The following GSTM5 variants were observed in gnomAD, a reference collection of about 807,000 sequenced individuals.
The protein encoded by GSTM5 is GST class-mu 5.
In GSTM5, 24 loss-of-function variants were observed where a neutral mutation model predicts 29.0. The observed-to-expected ratio is 0.83, with a 90% CI of 0.60 to 1.16. The LOEUF (loss-of-function observed/expected upper bound fraction) is 1.16, where lower values mean the gene tolerates loss of function less well. GSTM5 is among the 50% of genes most tolerant of loss of function. GSTM5 has a pLI of 0.00. For missense variants in GSTM5, 290 were observed against 263.0 expected (o/e 1.10, Z -0.71); for synonymous variants, 91 against 93.6 (o/e 0.97, Z 0.16).
chr1:109,713,843 G>A (rs1648654209), intron 5 of GSTM5, 82 bp downstream of exon 5: 4 of 1,069,998 alleles, frequency 3.7e-6, no homozygotes, highest in Non-Finnish European at 5.6e-6. Flanking sequence ...AGTCAGGTCT[G>A]TAGCAGACTC....
At chr1:109,712,875 TG>T in intron 2 of GSTM5, 182 bp downstream of exon 2, 1 of 862,860 alleles carries the variant, frequency 1.2e-6, no homozygotes, top group Non-Finnish European at 1.9e-6. Context: ...GGCGGGATGC[TG>T]GACACCCTGT....
Position 109,713,582 on chromosome 1 carries a change from G to A in GSTM5, c.259+17G>A. 1 of 1,614,220 alleles carries A rather than the reference G, an allele frequency of 6.2e-7. No individual in the cohort carries two copies. Among genetic ancestry groups the A allele is most frequent in the Non-Finnish European group, 8.5e-7 (1 of 1,180,030 alleles). ...ACAACCTGTGTGAGTGTGGGTGGCT[G>A]CAATGTGCGGGGGGAAGGTGACCTC... is the stretch of plus-strand genomic sequence containing the variant. On this transcript the variant is annotated intron_variant, in intron 4 of 7. Transcript: ENST00000256593.
intron 4 of GSTM5, 42 bp from the exon 5 acceptor site, chr1:109,713,619 G>T (rs1238717469): frequency 6.2e-7 from 1 of 1,614,194 alleles, no homozygotes; most frequent in Non-Finnish European, 8.5e-7. Flanking sequence ...TCCTTGGCTG[G>T]GCTGTGATGC....
At position 109,717,239 on chromosome 1, in the gene GSTM5, G is replaced by C. The variant is rs1244021686; in HGVS notation, c.568-98G>C. The C allele has an allele frequency of 1.3e-5, 11 of 845,562 alleles. No individual in the cohort carries two copies. In the East Asian group the frequency reaches 2.7e-4, roughly 21 times the overall value. 52.4% of individuals were successfully genotyped at this position (845,562 alleles called of 1,614,324 possible). Reference sequence around the variant, plus strand: ...TCCAGCACTTGAGCCCACATGGAAAGGCTGTGGCCAGGGCCCTGACCTGCT... The same window carrying C: ...TCCAGCACTTGAGCCCACATGGAAACGCTGTGGCCAGGGCCCTGACCTGCT... On this transcript the variant is annotated intron_variant, in intron 7 of 7. Coordinates refer to ENST00000256593, the MANE Select transcript of GSTM5 (RefSeq NM_000851.4).
chr1:109,712,955 G>T, intron 2 of GSTM5, 164 bp from the exon 3 acceptor site: 1 of 944,768 alleles, frequency 1.1e-6, no homozygotes, highest in South Asian at 1.4e-5. Flanking sequence ...GGGGTCCAGA[G>T]CCCTCAGTGG....
intron 7 of GSTM5, 61 bp from the exon 8 acceptor site, chr1:109,717,276 A>T: frequency 7.6e-7 from 1 of 1,307,656 alleles, no homozygotes; most frequent in Non-Finnish European, 1.1e-6. Context: ...TGCCTGCAGC[A>T]AAGCTACTTG....
upstream of GSTM5, chr1:109,712,245 C>T: frequency 1.9e-6 from 3 of 1,557,270 alleles, no homozygotes; most frequent in African/African-American, 2.7e-5. Flanking sequence ...CTGTCCCCTC[C>T]TGGGCCTCTC....
chr1:109,716,251 CTG>C (rs1648742249), intron 7 of GSTM5: 1 of 203,886 alleles, frequency 4.9e-6, no homozygotes, highest in South Asian at 8.0e-5. Flanking sequence ...AGCCTAGAAT[CTG>C]TTTCCCTTTC....
chr1:109,712,184 G>A, upstream of GSTM5: 3 of 992,712 alleles, frequency 3.0e-6, no homozygotes, highest in East Asian at 2.4e-5. Flanking sequence ...ACAGAATGGC[G>A]TGTTTCGGGG....
rs776291300 is a variant in GSTM5 at position 109,717,464 on chromosome 1, C to A, written c.*38C>A. ...CCAGAAGATGGGAGGGAGGAGCCAA[C>A]CTTGCTGCCTGCGACCCTGGAGGAC... On this transcript the variant is annotated 3_prime_UTR_variant, in exon 8 of 8. Transcript: ENST00000256593. 1.4e-6 allele frequency: 2 copies of A among 1,449,492 alleles called. No individual in the cohort carries two copies. Among genetic ancestry groups the A allele is most frequent in the Admixed American group, 3.3e-5 (2 of 59,800 alleles). The allele number at this position is 1,449,492 out of a possible 1,614,324, so 89.8% of individuals were successfully genotyped here.
chr1:109,718,219 T>C lies in GSTM5; in HGVS notation c.*793T>C, dbSNP rs1648817342. The C allele has an allele frequency of 6.6e-6, 1 of 152,260 alleles. No homozygotes were observed. Among genetic ancestry groups the C allele is most frequent in the African/African-American group, 2.4e-5 (1 of 41,464 alleles). 9.4% of individuals were successfully genotyped at this position (152,260 alleles called of 1,614,324 possible). A position where few individuals can be genotyped will look rare whatever the true frequency, so the allele number is the denominator to read the frequency against. Reference sequence around the variant, plus strand: ...TCCTGATAGACTTCCCTGATCTAGATATCCTTCGTCATGACACTTCTCAAT... The same window carrying C: ...TCCTGATAGACTTCCCTGATCTAGACATCCTTCGTCATGACACTTCTCAAT... On this transcript the variant is annotated 3_prime_UTR_variant, in exon 8 of 8. Coordinates refer to ENST00000256593, the MANE Select transcript of GSTM5 (RefSeq NM_000851.4).
rs148956224 is a variant in GSTM5, at chr1:109,713,688, G to A, written c.287G>A (p.Arg96His). ...LCGETEEEKI[R>H]VDILENQVMD... ...GGGGAGACAGAAGAGGAGAAGATTC[G>A]TGTGGACATTTTGGAGAACCAGGTT... The change falls in exon 5 of 8, where the codon CGT becomes CAT. Residue 96 changes from arginine to histidine, a missense_variant. Arg to His is a conservative substitution (Grantham distance 29). Coordinates refer to ENST00000256593, the MANE Select transcript of GSTM5 (RefSeq NM_000851.4). The A allele has an allele frequency of 8.7e-6, 14 of 1,613,266 alleles. No individual in the cohort carries two copies. Among genetic ancestry groups the A allele is most frequent in the Middle Eastern group, 1.6e-4 (1 of 6,082 alleles).
chr1:109,715,502 A>G (rs544999767), intron 7 of GSTM5: 10 of 1,474,898 alleles, frequency 6.8e-6, no homozygotes, highest in Non-Finnish European at 9.0e-6. Context: ...TCAGGGTCCC[A>G]GAGCCAGTGG....
At chr1:109,712,531 A>T in intron 1 of GSTM5, 87 bp from the exon 2 acceptor site, 1 of 1,497,248 alleles carries the variant, frequency 6.7e-7, no homozygotes, top group South Asian at 1.1e-5. Flanking sequence ...TACGTGCAGT[A>T]TAGACTAGGG....
rs564810916 is a variant in GSTM5 at position 109,717,593 on chromosome 1, G to A, written c.*167G>A. On this transcript the variant is annotated 3_prime_UTR_variant, in exon 8 of 8. Transcript: ENST00000256593. ...CTTTCTTCTAACATCATCCCTCCCC[G>A]CATCGAGGCTCTTTAAAGCTTCAGC... 1.2e-5 allele frequency: 7 copies of A among 568,834 alleles called. No individual in the cohort carries two copies. Among genetic ancestry groups the A allele is most frequent in the South Asian group, 2.0e-5 (1 of 49,592 alleles). The allele number at this position is 568,834 out of a possible 1,614,324, so 35.2% of individuals were successfully genotyped here.
At position 109,717,420 on chromosome 1, in the gene GSTM5, C is replaced by T. The variant is rs1445261221; in HGVS notation, c.651C>T (p.Ser217=). Residue 217 remains serine (S), a synonymous_variant, in exon 8 of 8, where the codon AGC becomes AGT. Transcript: ENST00000256593. ...TTGGAAAGTCAGCTACATGGAACAG[C>T]AAATAGGGCCCAGTGATGCCAGAAG... The part of the protein sequence containing the change: ...LLFGKSATWN[S]K 6.2e-7 allele frequency: 1 copy of T among 1,611,962 alleles called. No homozygotes were observed. Among genetic ancestry groups the T allele is most frequent in the South Asian group, 1.1e-5 (1 of 91,024 alleles).
At chr1:109,715,624 C>T (rs1648719284) in intron 7 of GSTM5, 1 of 843,704 alleles carries the variant, frequency 1.2e-6, no homozygotes, top group South Asian at 1.9e-5. Flanking sequence ...GTTTCACAGC[C>T]CAGAACACTT....
In GSTM5 at chr1:109,713,132, C is replaced by A. The variant is rs760863335; in HGVS notation, c.126C>A (p.Asp42Glu). The change falls in exon 3 of 8, where the codon GAC becomes GAA. Residue 42 changes from aspartate (D) to glutamate (E), a missense_variant. Physicochemically the swap from Asp to Glu is conservative, Grantham distance 45 (BLOSUM62 2). Transcript: ENST00000256593. The stretch of plus-strand genomic sequence containing the variant: ...TCCCCACCACAGCTCCTGACTATGA[C>A]AGAAGCCAGTGGCTGAATGAAAAAT... ...KYTLGDAPDY[D>E]RSQWLNEKFK... 1 of 1,612,620 alleles carries A rather than the reference C, an allele frequency of 6.2e-7. No individual in the cohort carries two copies. Among genetic ancestry groups the A allele is most frequent in the East Asian group, 2.2e-5 (1 of 44,880 alleles).
At chr1:109,714,623 A>G in intron 5 of GSTM5, 1 of 376,832 alleles carries the variant, frequency 2.7e-6, no homozygotes, top group Non-Finnish European at 4.8e-6. Flanking sequence ...AGTTCTTTGC[A>G]TCCTTGATTC....
Sources: allele counts gnomAD v4.1 joint callset, GRCh38; gene constraint gnomAD v4.1.1; transcripts MANE v1.5; gene names NCBI Gene and HGNC (gene_info 2026-07-23, HGNC 2026-07-21).